Variants in SEL1L observed in about 807,000 individuals in gnomAD.
The protein encoded by SEL1L is SEL1L adaptor subunit of SYVN1 ubiquitin ligase.
In SEL1L, 52 loss-of-function variants were observed where a neutral mutation model predicts 109.8. The observed-to-expected ratio is 0.47, with a 90% CI of 0.38 to 0.60. The LOEUF (loss-of-function observed/expected upper bound fraction) is 0.60. Among genes scored for constraint, SEL1L ranks in the 20% least tolerant of loss-of-function variants. The probability of loss-of-function intolerance (pLI) is 0.00; values close to 1 mark genes in which losing one functional copy is unlikely to be tolerated. For synonymous variants in SEL1L, 373 were observed against 339.6 expected, an observed-to-expected ratio of 1.10 and a Z score of -1.08; for missense variants, 749 against 962.2, an observed-to-expected ratio of 0.78 and a Z score of 2.93.
At chr14:81,530,760 A>C (rs1227432928) in intron 1 of SEL1L, among the ~76,000 whole-genome samples, 1 of 152,188 alleles carries the variant, frequency 6.6e-6, no homozygotes, top group African/African-American at 2.4e-5. Flanking sequence ...ATATGTTCTG[A>C]AAAGTGTATC....
intron 19 of SEL1L, among the ~76,000 whole-genome samples, chr14:81,483,268 T>C: frequency 6.6e-6 from 1 of 152,224 alleles, no homozygotes; most frequent in Non-Finnish European, 1.5e-5. Context: ...CATTAAAAGA[T>C]GCATTTTCAA....
Position 81,533,739 on chromosome 14 carries a change from C to T in SEL1L, c.6G>A (p.Arg2=), listed in dbSNP as rs770816632. 3 of 1,613,302 alleles carry T rather than the reference C, an allele frequency of 1.9e-6. No homozygotes were observed. The Admixed American group carries it at 5.0e-5, about 27-fold the overall frequency. Residue 2 remains arginine, a synonymous_variant, in exon 1 of 21, where the codon CGG becomes CGA. Transcript: ENST00000336735. ...GCAGCAGCGTCAGCCCTATCCGGACCCGCATCCTCCTCTCGGGGCCGGTGC... is the reference window on the plus strand; with the variant it reads ...GCAGCAGCGTCAGCCCTATCCGGACTCGCATCCTCCTCTCGGGGCCGGTGC... M[R]VRIGLTLLLC...
intron 2 of SEL1L, 89 bp from the exon 3 acceptor site, chr14:81,527,053 C>T (rs768784252): frequency 1.1e-5 from 10 of 903,336 alleles, no homozygotes; most frequent in Admixed American, 2.0e-5. Context: ...CCAGATATCA[C>T]ATCTCCTTCA....
In SEL1L at chr14:81,476,631, G is replaced by T; in HGVS notation, c.*341C>A. 4.4e-6 allele frequency: 1 copy of T among 229,188 alleles called. No individual in the cohort carries two copies. Among genetic ancestry groups the T allele is most frequent in the Non-Finnish European group, 8.7e-6 (1 of 114,568 alleles). 14.2% of individuals were successfully genotyped at this position (229,188 alleles called of 1,614,324 possible). A position where few individuals can be genotyped will look rare whatever the true frequency, so the allele number is the denominator to read the frequency against. Reference sequence around the variant, plus strand: ...AAGATGGTTGACATTAAGAACTTATGCACACTGAAATAATGACCAAAAGGA... The same window carrying T: ...AAGATGGTTGACATTAAGAACTTATTCACACTGAAATAATGACCAAAAGGA... On this transcript the variant is annotated 3_prime_UTR_variant, in exon 21 of 21. Coordinates refer to ENST00000336735, the MANE Select transcript of SEL1L (RefSeq NM_005065.6).
At chr14:81,501,347 G>A (rs1394419772) in intron 6 of SEL1L, among the ~76,000 whole-genome samples, 1 of 152,104 alleles carries the variant, frequency 6.6e-6, no homozygotes, top group African/African-American at 2.4e-5. Flanking sequence ...AAGTGCTGTG[G>A]CTTTGTAAGG....
In SEL1L at chr14:81,495,151, C is replaced by G. The variant is rs1298575862; in HGVS notation, c.1129-14G>C. Reference sequence around the variant, plus strand: ...TCCAAGACCAACCTGAAAATGATCACAAACAAGGCAAAAGTAAGTGGTACC... The same window carrying G: ...TCCAAGACCAACCTGAAAATGATCAGAAACAAGGCAAAAGTAAGTGGTACC... On this transcript the variant is annotated splice_polypyrimidine_tract_variant and intron_variant, in intron 10 of 20. Coordinates refer to ENST00000336735, the MANE Select transcript of SEL1L (RefSeq NM_005065.6). 6.2e-7 allele frequency: 1 copy of G among 1,613,346 alleles called. No homozygotes were observed. Among genetic ancestry groups the G allele is most frequent in the Middle Eastern group, 1.7e-4 (1 of 6,058 alleles).
At chr14:81,531,714 C>A (rs1885329744) in intron 1 of SEL1L, among the ~76,000 whole-genome samples, 1 of 152,086 alleles carries the variant, frequency 6.6e-6, no homozygotes, top group Admixed American at 6.5e-5. Flanking sequence ...ACCATCACAC[C>A]TGGAGTTACG....
chr14:81,498,444 G>A lies in SEL1L; in HGVS notation c.942C>T (p.Ala314=). The part of the protein sequence containing the change: ...GIGVLQSCES[A]LTHYRLVANH... Reference sequence around the variant, plus strand: ...TGGCAACAAGACGATAGTGAGTCAGGGCAGATTCACAACTCTGGAGGACGC... The same window carrying A: ...TGGCAACAAGACGATAGTGAGTCAGAGCAGATTCACAACTCTGGAGGACGC... Residue 314 remains alanine, a synonymous_variant, in exon 9 of 21, where the codon GCC becomes GCT. Coordinates refer to ENST00000336735, the MANE Select transcript of SEL1L (RefSeq NM_005065.6). 6.2e-7 allele frequency: 1 copy of A among 1,613,882 alleles called. No individual in the cohort carries two copies. The highest frequency in any genetic ancestry group is 8.5e-7 in the Non-Finnish European group (1 of 1,179,922).
intron 3 of SEL1L, among the ~76,000 whole-genome samples, chr14:81,507,321 C>A (rs1424417115): frequency 6.6e-6 from 1 of 151,970 alleles, no homozygotes; most frequent in Non-Finnish European, 1.5e-5. Context: ...TGTTAACAGT[C>A]ATCTGAGAAG....
At position 81,475,234 on chromosome 14, in the gene SEL1L, A is replaced by AG. The variant is rs1312352848; in HGVS notation, c.*1737dup. 7.9e-5 allele frequency: 12 copies of AG among 152,268 alleles called. No homozygotes were observed. Among genetic ancestry groups the AG allele is most frequent in the South Asian group, 2.1e-4 (1 of 4,824 alleles). The allele number at this position is 152,268 out of a possible 1,614,324, so 9.4% of individuals were successfully genotyped here. A position where few individuals can be genotyped will look rare whatever the true frequency, so the allele number is the denominator to read the frequency against. On this transcript the variant is annotated 3_prime_UTR_variant, in exon 21 of 21. Transcript: ENST00000336735. ...AGTTGCCTAAAGCAACATTACACTT[A>AG]GGGGGGGTAAGTTTCCTACCTTTCA...
intron 1 of SEL1L, among the ~76,000 whole-genome samples, chr14:81,530,548 A>C (rs959619142): frequency 1.3e-5 from 2 of 152,046 alleles, no homozygotes; most frequent in Non-Finnish European, 2.9e-5. Context: ...AATGACTAAC[A>C]CTGCTTGGCA....
intron 3 of SEL1L, among the ~76,000 whole-genome samples, chr14:81,517,488 G>GC (rs1555347516): frequency 6.6e-6 from 1 of 151,858 alleles, no homozygotes; most frequent in Non-Finnish European, 1.5e-5. Context: ...CAATCCAGCA[G>GC]TTTTTTTTCA....
rs1903077912 is a variant in SEL1L at position 81,473,865 on chromosome 14, C to T, written c.*3107G>A. 1 of 151,574 alleles carries T rather than the reference C, an allele frequency of 6.6e-6. No homozygotes were observed. The highest frequency in any genetic ancestry group is 6.6e-5 in the Admixed American group (1 of 15,218). 9.4% of individuals were successfully genotyped at this position (151,574 alleles called of 1,614,324 possible). A position where few individuals can be genotyped will look rare whatever the true frequency, so the allele number is the denominator to read the frequency against. On this transcript the variant is annotated 3_prime_UTR_variant, in exon 21 of 21. Transcript: ENST00000336735. ...GAGGATAAAAGAAGGGAGAGAAAGACAAAGCAAAATAAAAAAAAATTCCTA... is the reference window on the plus strand; with the variant it reads ...GAGGATAAAAGAAGGGAGAGAAAGATAAAGCAAAATAAAAAAAAATTCCTA...
chr14:81,487,807 C>T (rs1309860375), intron 15 of SEL1L, 48 bp downstream of exon 15: 2 of 1,606,480 alleles, frequency 1.2e-6, no homozygotes, highest in Non-Finnish European at 1.7e-6. Context: ...TAGAAAACAG[C>T]TTAATTTAGA....
chr14:81,502,582 T>C (rs760399437), intron 6 of SEL1L, 139 bp downstream of exon 6: 8 of 803,400 alleles, frequency 1.0e-5, no homozygotes, highest in Non-Finnish European at 1.6e-5. Flanking sequence ...CCAAGAAGAC[T>C]GATAAAATGG....
chr14:81,502,801 C>T lies in SEL1L; in HGVS notation c.697G>A (p.Asp233Asn), dbSNP rs1209011600. ...ERVSYALLFG[D>N]YLPQNIQAAR... ...GCCTGGATATTCTGTGGCAAGTAATCACCAAATAAAAGAGCATATGACACT... is the reference window on the plus strand; with the variant it reads ...GCCTGGATATTCTGTGGCAAGTAATTACCAAATAAAAGAGCATATGACACT... The change falls in exon 6 of 21, where the codon GAT (aspartate) becomes AAT (asparagine). Residue 233 changes from aspartate to asparagine, a missense_variant. By Grantham distance (23) the Asp-to-Asn change is conservative (BLOSUM62 1). Coordinates refer to ENST00000336735, the MANE Select transcript of SEL1L (RefSeq NM_005065.6). 1.9e-6 allele frequency: 3 copies of T among 1,614,160 alleles called. No homozygotes were observed. Among genetic ancestry groups the T allele is most frequent in the South Asian group, 2.2e-5 (2 of 91,086 alleles).
intron 3 of SEL1L, among the ~76,000 whole-genome samples, chr14:81,509,901 C>T (rs1261180367): frequency 6.6e-6 from 1 of 152,106 alleles, no homozygotes; most frequent in African/African-American, 2.4e-5. Flanking sequence ...ATTTTAAAAA[C>T]ATAAAACCAA....
At chr14:81,491,287 A>G (rs932627301) in intron 12 of SEL1L, among the ~76,000 whole-genome samples, 6 of 152,256 alleles carry the variant, frequency 3.9e-5, no homozygotes, top group Non-Finnish European at 7.3e-5. Flanking sequence ...TTTAAACACT[A>G]AACAATTAGA....
intron 1 of SEL1L, among the ~76,000 whole-genome samples, chr14:81,528,120 C>T (rs1057300044): frequency 6.6e-6 from 1 of 152,110 alleles, no homozygotes; most frequent in Non-Finnish European, 1.5e-5. Flanking sequence ...TTTCATACTC[C>T]GGGCTTCCAC....
Sources: allele counts gnomAD v4.1 joint callset (sites outside exome capture counted in the v4.1 genomes callset), GRCh38; gene constraint gnomAD v4.1.1; transcripts MANE v1.5; gene names NCBI Gene and HGNC (gene_info 2026-07-23, HGNC 2026-07-21).